Variants in CHLSN observed in about 807,000 individuals in gnomAD.
The protein encoded by CHLSN is protein cholesin.
chr7:1,110,967 C>G, the CHLSN span, among the ~76,000 whole-genome samples: 23 of 152,280 alleles, frequency 1.5e-4, no homozygotes, highest in East Asian at 4.4e-3. Flanking sequence ...GTCCCAGCTA[C>G]TCCAGAGGCC....
chr7:1,039,845 T>C, the CHLSN span, among the ~76,000 whole-genome samples: 2 of 73,532 alleles, frequency 2.7e-5, no homozygotes, highest in Admixed American at 1.4e-4. Context: ...TTCCTCTGCC[T>C]TGGGATCCTG....
chr7:978,474 G>A, the CHLSN span, among the ~76,000 whole-genome samples: 16 of 152,246 alleles, frequency 1.1e-4, no homozygotes, highest in South Asian at 6.2e-4. Context: ...AACCAAGATC[G>A]CACCACTGCA....
the CHLSN span, among the ~76,000 whole-genome samples, chr7:980,549 C>A: frequency 4.5e-4 from 68 of 152,270 alleles, no homozygotes; most frequent in African/African-American, 1.5e-3. Context: ...ATATTTTTAT[C>A]AGGATGTTCT....
the CHLSN span, chr7:1,057,495 C>T: frequency 1.2e-3 from 928 of 749,548 alleles, 17 homozygotes; most frequent in East Asian, 0.018. Context: ...TCCGCAGGGT[C>T]GCGGAGCCTC....
chr7:1,116,000 A>G, the CHLSN span, among the ~76,000 whole-genome samples: 5 of 128,378 alleles, frequency 3.9e-5, no homozygotes, highest in Admixed American at 4.1e-4. Flanking sequence ...ACCGGCTTCC[A>G]GCACCGACGC....
At chr7:1,072,282 G>A in the CHLSN span, among the ~76,000 whole-genome samples, 4 of 152,100 alleles carry the variant, frequency 2.6e-5, no homozygotes, top group African/African-American at 7.2e-5. Flanking sequence ...TCTGCAGCCC[G>A]TGTGCTGAGG....
At chr7:1,083,917 G>A in the CHLSN span, among the ~76,000 whole-genome samples, 24 of 152,236 alleles carry the variant, frequency 1.6e-4, no homozygotes, top group African/African-American at 4.8e-4. Context: ...CCAACCTGGC[G>A]CGGAGCCACG....
chr7:1,092,672 C>G, the CHLSN span: 3 of 1,613,234 alleles, frequency 1.9e-6, no homozygotes, highest in Non-Finnish European at 2.5e-6. Context: ...GCCGCCTTCT[C>G]CAACAGCTGC....
chr7:1,101,035 C>A, the CHLSN span, among the ~76,000 whole-genome samples: 9 of 152,258 alleles, frequency 5.9e-5, no homozygotes, highest in African/African-American at 2.2e-4. Context: ...AGGACACAGC[C>A]CGTTTCAGGG....
the CHLSN span, among the ~76,000 whole-genome samples, chr7:1,015,711 T>C: frequency 0.024 from 3,712 of 152,244 alleles, 145 homozygotes; most frequent in African/African-American, 0.084. Flanking sequence ...CCAGAGGGAC[T>C]GAAGCTGCGG....
the CHLSN span, among the ~76,000 whole-genome samples, chr7:1,112,947 C>G: frequency 6.6e-6 from 1 of 152,192 alleles, no homozygotes; most frequent in Non-Finnish European, 1.5e-5. Context: ...CTCACAAAAG[C>G]CAAAGCCCAG....
chr7:1,109,860 C>G, the CHLSN span, among the ~76,000 whole-genome samples: 1 of 150,306 alleles, frequency 6.7e-6, no homozygotes, highest in Non-Finnish European at 1.5e-5. Context: ...AAAGACATCT[C>G]TCTGTCTACC....
the CHLSN span, among the ~76,000 whole-genome samples, chr7:1,060,976 C>T: frequency 2.6e-5 from 4 of 152,138 alleles, no homozygotes; most frequent in Admixed American, 1.3e-4. Context: ...GTGGGGTGTC[C>T]GTGCTTGAAC....
At chr7:1,034,829 G>C in the CHLSN span, among the ~76,000 whole-genome samples, 1 of 132,224 alleles carries the variant, frequency 7.6e-6, no homozygotes, top group Non-Finnish European at 1.5e-5. Flanking sequence ...TCCTGTGTCT[G>C]TTGTTCCCTT....
At chr7:1,106,576 T>C in the CHLSN span, among the ~76,000 whole-genome samples, 1 of 152,034 alleles carries the variant, frequency 6.6e-6, no homozygotes. Context: ...CCGGCCCACA[T>C]GAGCAAAAAG....
the CHLSN span, chr7:983,213 T>A: frequency 6.6e-7 from 1 of 1,504,064 alleles, no homozygotes. Flanking sequence ...CACGTCCTCA[T>A]GGCCCTGCTG....
chr7:1,114,184 G>A, the CHLSN span, among the ~76,000 whole-genome samples: 2 of 152,292 alleles, frequency 1.3e-5, no homozygotes, highest in South Asian at 2.1e-4. Context: ...CAGACTGTGC[G>A]GCCACTGGCC....
the CHLSN span, chr7:997,203 G>T: frequency 6.3e-6 from 1 of 159,424 alleles, no homozygotes; most frequent in Non-Finnish European, 1.4e-5. Context: ...CACGCAGGGG[G>T]ATCGGGAATC....
chr7:1,047,482 C>T, the CHLSN span, among the ~76,000 whole-genome samples: 12 of 152,262 alleles, frequency 7.9e-5, no homozygotes, highest in East Asian at 1.9e-4. Context: ...AAGCTCTCCA[C>T]GTGGAAACCC....
Sources: allele counts gnomAD v4.1 joint callset (sites outside exome capture counted in the v4.1 genomes callset), GRCh38; gene constraint gnomAD v4.1.1; transcripts MANE v1.5; gene names NCBI Gene and HGNC (gene_info 2026-07-23, HGNC 2026-07-21).